CCSER1: variants seen among roughly 807,000 people sequenced by gnomAD.
The protein encoded by CCSER1 is serine-rich coiled-coil domain-containing protein 1.
In CCSER1, 41 loss-of-function variants were observed where a neutral mutation model predicts 82.0. That is an observed-to-expected ratio of 0.50 (90% CI 0.39 to 0.65). The LOEUF is 0.65. CCSER1 is among the 30% of genes least tolerant of loss of function. CCSER1 has a pLI of 0.00. For missense variants in CCSER1, 1,119 were observed against 1,064.2 expected, an observed-to-expected ratio of 1.05 and a Z score of -0.72; for synonymous variants, 414 against 383.9, an observed-to-expected ratio of 1.08 and a Z score of -0.92.
intron 9 of CCSER1, among the ~76,000 whole-genome samples, chr4:91,046,041 T>C (rs1742447253): frequency 6.6e-6 from 1 of 151,968 alleles, no homozygotes; most frequent in South Asian, 2.1e-4. Flanking sequence ...TTTCACAAGG[T>C]AATGTCATCA....
chr4:91,436,079 G>A (rs996722888), intron 10 of CCSER1, among the ~76,000 whole-genome samples: 3 of 152,120 alleles, frequency 2.0e-5, no homozygotes, highest in Admixed American at 1.3e-4. Flanking sequence ...TATCACTGTA[G>A]TTACATTATA....
intron 4 of CCSER1, among the ~76,000 whole-genome samples, chr4:90,437,595 G>C (rs1433749665): frequency 1.3e-5 from 2 of 152,134 alleles, no homozygotes; most frequent in Non-Finnish European, 2.9e-5. Flanking sequence ...GAAGGTTCCA[G>C]ATAATGCATA....
chr4:91,066,837 G>C (rs1180420544), intron 9 of CCSER1, among the ~76,000 whole-genome samples: 4 of 152,160 alleles, frequency 2.6e-5, no homozygotes, highest in Admixed American at 6.5e-5. Flanking sequence ...AGCAGCAGGA[G>C]AAAGACCTTA....
intron 4 of CCSER1, among the ~76,000 whole-genome samples, chr4:90,428,773 G>C (rs1757872491): frequency 6.6e-6 from 1 of 151,730 alleles, no homozygotes; most frequent in Non-Finnish European, 1.5e-5. Flanking sequence ...ATTTATTTTT[G>C]ATAAAGTAAA....
At chr4:90,787,810 T>C (rs549469108) in intron 7 of CCSER1, among the ~76,000 whole-genome samples, 1 of 152,194 alleles carries the variant, frequency 6.6e-6, no homozygotes, top group African/African-American at 2.4e-5. Context: ...TTGACTGGCA[T>C]TGTCTAGATA....
rs550982282 is a variant in CCSER1 at position 91,261,855 on chromosome 4, A to AT, written c.2217+175867dup. 1.4e-3 allele frequency among the ~76,000 whole-genome samples: 219 copies of AT among 152,226 alleles called. 2 individuals are homozygous for AT. Among genetic ancestry groups the AT allele is most frequent in the African/African-American group, 4.8e-3 (200 of 41,542 alleles). ...TACTATTTTTGAAGTACATATGTCC[A>AT]TTTTTTGTACCTTTATTTGGCTACT... is the stretch of plus-strand genomic sequence containing the variant. On this transcript the variant is annotated intron_variant, in intron 10 of 10. Coordinates refer to ENST00000509176, the MANE Select transcript of CCSER1 (RefSeq NM_001145065.2).
chr4:90,612,569 T>A (rs1785668319), intron 5 of CCSER1, among the ~76,000 whole-genome samples: 1 of 152,194 alleles, frequency 6.6e-6, no homozygotes, highest in South Asian at 2.1e-4. Context: ...TCTTATAATT[T>A]TCTGTTGCTT....
intron 4 of CCSER1, among the ~76,000 whole-genome samples, chr4:90,417,781 GTT>G (rs997368834): frequency 5.3e-5 from 8 of 152,170 alleles, no homozygotes; most frequent in African/African-American, 1.9e-4. Flanking sequence ...GATAATTTTT[GTT>G]ATTAATTTTT....
chr4:91,175,456 C>T (rs1215223010), intron 10 of CCSER1, among the ~76,000 whole-genome samples: 2 of 152,168 alleles, frequency 1.3e-5, no homozygotes, highest in Non-Finnish European at 2.9e-5. Context: ...AAAAGTGTTT[C>T]TATTTCTCCA....
chr4:90,400,907 G>A (rs1752770958), intron 4 of CCSER1, among the ~76,000 whole-genome samples: 1 of 151,772 alleles, frequency 6.6e-6, no homozygotes, highest in Non-Finnish European at 1.5e-5. Context: ...TTAAACTAAA[G>A]CTTTAGAACG....
intron 10 of CCSER1, among the ~76,000 whole-genome samples, chr4:91,188,478 C>T (rs1734748031): frequency 6.6e-6 from 1 of 152,154 alleles, no homozygotes; most frequent in Admixed American, 6.5e-5. Context: ...GCACTGAGGG[C>T]AAATATGATA....
At chr4:91,147,707 C>T (rs1271545777) in intron 10 of CCSER1, among the ~76,000 whole-genome samples, 1 of 152,068 alleles carries the variant, frequency 6.6e-6, no homozygotes, top group Non-Finnish European at 1.5e-5. Flanking sequence ...CCCAGGCAGC[C>T]AGCAAAACTC....
At chr4:91,177,304 G>A (rs764303994) in intron 10 of CCSER1, among the ~76,000 whole-genome samples, 3 of 152,164 alleles carry the variant, frequency 2.0e-5, no homozygotes, top group Non-Finnish European at 2.9e-5. Flanking sequence ...TCTCTGCCAG[G>A]CTTTGGTATC....
intron 10 of CCSER1, among the ~76,000 whole-genome samples, chr4:91,572,764 C>A (rs1313453963): frequency 6.6e-6 from 1 of 150,988 alleles, no homozygotes; most frequent in Admixed American, 6.6e-5. Context: ...GAGTTCAAGA[C>A]CAGCCTGGGC....
At chr4:91,172,297 G>T (rs985147580) in intron 10 of CCSER1, among the ~76,000 whole-genome samples, 1 of 152,114 alleles carries the variant, frequency 6.6e-6, no homozygotes, top group Non-Finnish European at 1.5e-5. Context: ...TGTTCAACCA[G>T]AGTGTTACAG....
At chr4:91,454,859 T>A (rs1391534873) in intron 10 of CCSER1, among the ~76,000 whole-genome samples, 3 of 151,908 alleles carry the variant, frequency 2.0e-5, no homozygotes, top group Non-Finnish European at 4.4e-5. Flanking sequence ...ACACAGAAAA[T>A]TCCCTTGTTC....
At chr4:90,940,015 CT>C (rs1434996347) in intron 9 of CCSER1, among the ~76,000 whole-genome samples, 1 of 152,048 alleles carries the variant, frequency 6.6e-6, no homozygotes, top group African/African-American at 2.4e-5. Context: ...AAGCACTCCC[CT>C]GATAAAGGTT....
intron 10 of CCSER1, among the ~76,000 whole-genome samples, chr4:91,202,149 C>A (rs1481355479): frequency 6.7e-6 from 1 of 149,678 alleles, no homozygotes; most frequent in Admixed American, 6.7e-5. Context: ...ATTTGTTTGG[C>A]TGTTCTGACA....
chr4:90,970,371 T>C (rs913167884), intron 9 of CCSER1, among the ~76,000 whole-genome samples: 1 of 151,950 alleles, frequency 6.6e-6, no homozygotes, highest in African/African-American at 2.4e-5. Context: ...TGTCATTATA[T>C]AATGAGAAAA....
Sources: allele counts gnomAD v4.1 joint callset (sites outside exome capture counted in the v4.1 genomes callset), GRCh38; gene constraint gnomAD v4.1.1; transcripts MANE v1.5; gene names NCBI Gene and HGNC (gene_info 2026-07-23, HGNC 2026-07-21).